Variants in ZNF594 observed in about 807,000 individuals in gnomAD.
The protein encoded by ZNF594 is zinc finger protein 594.
For synonymous variants in ZNF594, 336 were observed against 309.4 expected (o/e 1.09, Z -0.90); for missense variants, 1,037 against 964.6 (o/e 1.08, Z -0.99).
intron 1 of ZNF594, among the ~76,000 whole-genome samples, chr17:5,185,923 A>T (rs185676471): frequency 1.3e-5 from 2 of 151,854 alleles, no homozygotes; most frequent in Non-Finnish European, 2.9e-5. Flanking sequence ...GTCTTGGGCA[A>T]CTCCACCCCT....
chr17:5,179,798 G>A lies in ZNF594; in HGVS notation c.*2035C>T, dbSNP rs2074326178. 1 of 152,024 alleles carries A rather than the reference G, an allele frequency of 6.6e-6. No individual in the cohort carries two copies. The highest frequency in any genetic ancestry group is 2.4e-5 in the African/African-American group (1 of 41,404). The allele number at this position is 152,024 out of a possible 1,614,324, so 9.4% of individuals were successfully genotyped here. On this transcript the variant is annotated 3_prime_UTR_variant, in exon 2 of 2. Coordinates refer to ENST00000575779, the MANE Select transcript of ZNF594 (RefSeq NM_032530.2). ...CTTTGGGCTGGAATTTTAGTACCTA[G>A]GTCTGCCTACATGGTGCCAGTCAGA...
chr17:5,181,631 A>G lies in ZNF594; in HGVS notation c.*202T>C, dbSNP rs754472089. On this transcript the variant is annotated 3_prime_UTR_variant, in exon 2 of 2. Coordinates refer to ENST00000575779, the MANE Select transcript of ZNF594 (RefSeq NM_032530.2). ...GCCGCCTGAAGGCTTTTTCACATTC[A>G]GTGCACTGATAGGGCTTCTCTCCAG... 2.5e-6 allele frequency: 4 copies of G among 1,593,064 alleles called. No homozygotes were observed. Among genetic ancestry groups the G allele is most frequent in the Non-Finnish European group, 3.4e-6 (4 of 1,160,954 alleles).
chr17:5,178,831 G>A (rs555110698), downstream of ZNF594, among the ~76,000 whole-genome samples: 14 of 152,062 alleles, frequency 9.2e-5, no homozygotes, highest in Admixed American at 2.0e-4. Context: ...ATAAAATTAC[G>A]GTACAATGAC....
downstream of ZNF594, chr17:5,174,690 A>G (rs1555608865): frequency 5.0e-6 from 1 of 201,804 alleles, no homozygotes; most frequent in South Asian, 1.9e-4. Context: ...CAGGTAGCAC[A>G]ATCTACTAAT....
rs2074338288 is a variant in ZNF594 at position 5,181,318 on chromosome 17, GT to G, written c.*514del. On this transcript the variant is annotated 3_prime_UTR_variant, in exon 2 of 2. Transcript: ENST00000575779. ...TTCCCACATTCTTTACATTCATATG[GT>G]TTCTCTCCTGTATGAGTTACCTGAT... The G allele has an allele frequency of 6.2e-7, 1 of 1,612,704 alleles. No homozygotes were observed. Among genetic ancestry groups the G allele is most frequent in the Admixed American group, 1.7e-5 (1 of 59,982 alleles).
chr17:5,180,951 G>A lies in ZNF594; in HGVS notation c.*882C>T, dbSNP rs1305236539. ...TAGGTTTCTGCTACCTATTAGAATA[G>A]GTCCTGTTTGTAGACTCTTACAGTC... On this transcript the variant is annotated 3_prime_UTR_variant, in exon 2 of 2. Transcript: ENST00000575779. The A allele has an allele frequency of 4.4e-6, 3 of 688,944 alleles. No individual in the cohort carries two copies. The highest frequency in any genetic ancestry group is 7.9e-6 in the Non-Finnish European group (3 of 377,956). 42.7% of individuals were successfully genotyped at this position (688,944 alleles called of 1,614,324 possible). A position where few individuals can be genotyped will look rare whatever the true frequency, so the allele number is the denominator to read the frequency against.
Position 5,182,313 on chromosome 17 carries a change from T to C in ZNF594, c.1944A>G (p.Gly648=), listed in dbSNP as rs902258337. The C allele has an allele frequency of 3.1e-6, 5 of 1,613,264 alleles. 1 individual carries two copies. The African/African-American group carries it at 5.4e-5, about 17-fold the overall frequency. The part of the protein sequence containing the change: ...DLIKHHRIHT[G]EKPYECSECG... ...ATTCACTACATTCATAGGGTTTCTC[T>C]CCAGTATGAATACGATGGTGTTTAA... The change falls in exon 2 of 2, where the codon GGA becomes GGG. Residue 648 remains glycine (G), a synonymous_variant. Coordinates refer to ENST00000575779, the MANE Select transcript of ZNF594 (RefSeq NM_032530.2).
chr17:5,177,294 T>C (rs1044813859), downstream of ZNF594, among the ~76,000 whole-genome samples: 2 of 150,918 alleles, frequency 1.3e-5, no homozygotes, highest in African/African-American at 4.9e-5. Context: ...AGAAAACCAA[T>C]ATCCGGAACC....
chr17:5,191,284 T>C (rs533359011), intron 1 of ZNF594: 1 of 152,324 alleles, frequency 6.6e-6, no homozygotes, highest in South Asian at 2.1e-4. Context: ...ATCCCTCCCT[T>C]GTTTGAACTC....
chr17:5,184,473 G>A (rs149820529), intron 1 of ZNF594, 197 bp from the exon 2 acceptor site: 27 of 581,066 alleles, frequency 4.6e-5, no homozygotes, highest in Admixed American at 1.7e-4. Flanking sequence ...GAAAAAACCC[G>A]CCAGGGTGCA....
intron 1 of ZNF594, among the ~76,000 whole-genome samples, chr17:5,190,940 T>G (rs1291794717): frequency 6.6e-6 from 1 of 152,234 alleles, no homozygotes; most frequent in African/African-American, 2.4e-5. Context: ...CATTTATCTC[T>G]TTGTGATAGT....
intron 1 of ZNF594, among the ~76,000 whole-genome samples, chr17:5,188,779 GCT>G (rs1234607206): frequency 1.5e-5 from 2 of 135,862 alleles, no homozygotes; most frequent in Non-Finnish European, 3.1e-5. Context: ...ATGGAGTCTT[GCT>G]CTGTTACCCA....
In ZNF594 at chr17:5,181,393, A is replaced by G. The variant is rs760911948; in HGVS notation, c.*440T>C. The G allele has an allele frequency of 6.2e-7, 1 of 1,612,954 alleles. No individual in the cohort carries two copies. The highest frequency in any genetic ancestry group is 1.1e-5 in the South Asian group (1 of 91,038). ...TGGAAAGCCCTACCACACTGATTAC[A>G]CCAATAAGCTTTCTCTTCTTGGTGA... On this transcript the variant is annotated 3_prime_UTR_variant, in exon 2 of 2. Coordinates refer to ENST00000575779, the MANE Select transcript of ZNF594 (RefSeq NM_032530.2).
At position 5,181,265 on chromosome 17, in the gene ZNF594, C is replaced by T; in HGVS notation, c.*568G>A. ...CTCCACTGTGAATTCTATGATGTCT[C>T]AGAAGGTCTGAGCTCTGATTGAAAG... On this transcript the variant is annotated 3_prime_UTR_variant, in exon 2 of 2. Coordinates refer to ENST00000575779, the MANE Select transcript of ZNF594 (RefSeq NM_032530.2). The T allele has an allele frequency of 6.2e-7, 1 of 1,612,598 alleles. No homozygotes were observed. Among genetic ancestry groups the T allele is most frequent in the Middle Eastern group, 1.7e-4 (1 of 6,060 alleles).
downstream of ZNF594, among the ~76,000 whole-genome samples, chr17:5,178,268 T>C (rs998779569): frequency 6.6e-6 from 1 of 152,104 alleles, no homozygotes; most frequent in Non-Finnish European, 1.5e-5. Flanking sequence ...CAGGATTGGT[T>C]AACATCCAAA....
intron 1 of ZNF594, among the ~76,000 whole-genome samples, chr17:5,190,036 G>C (rs1006526027): frequency 1.3e-5 from 2 of 152,118 alleles, no homozygotes; most frequent in African/African-American, 2.4e-5. Flanking sequence ...ACTAAAGAAA[G>C]ATAATCAAAT....
In ZNF594 at chr17:5,181,192, A is replaced by G; in HGVS notation, c.*641T>C. On this transcript the variant is annotated 3_prime_UTR_variant, in exon 2 of 2. Coordinates refer to ENST00000575779, the MANE Select transcript of ZNF594 (RefSeq NM_032530.2). The stretch of plus-strand genomic sequence containing the variant: ...ACACGATGGTGTCTAATAAGATCTG[A>G]GCTGCCCCTAAAAGATTTCCCACAT... 1.9e-6 allele frequency: 3 copies of G among 1,611,136 alleles called. No homozygotes were observed. The highest frequency in any genetic ancestry group is 3.3e-4 in the Middle Eastern group (2 of 6,060).
downstream of ZNF594, chr17:5,174,627 C>T (rs2074287851): frequency 5.1e-6 from 1 of 195,500 alleles, no homozygotes; most frequent in Non-Finnish European, 1.1e-5. Context: ...TGGACATGTC[C>T]CATTAAAAAG....
At chr17:5,177,099 G>C (rs1407194858), downstream of ZNF594, among the ~76,000 whole-genome samples, 1 of 151,776 alleles carries the variant, frequency 6.6e-6, no homozygotes, top group Non-Finnish European at 1.5e-5. Context: ...GGCAGGCTGA[G>C]GCAGGAGAAT....
Sources: gnomAD v4.1 joint callset for allele counts (sites outside exome capture counted in the v4.1 genomes callset) on GRCh38, gnomAD v4.1.1 for gene constraint, MANE v1.5 for transcripts, NCBI Gene and HGNC (gene_info 2026-07-23, HGNC 2026-07-21) for gene names.